The following CYTH3 variants were observed in gnomAD, a reference collection of about 807,000 sequenced individuals.
CYTH3 encodes cytohesin-3.
In CYTH3, 23 loss-of-function variants were observed where a neutral mutation model predicts 55.1. That is an observed-to-expected ratio of 0.42 (90% CI 0.30 to 0.59). CYTH3 has a LOEUF of 0.59. Among genes scored for constraint, CYTH3 ranks in the 20% least tolerant of loss-of-function variants. The pLI is 0.20. For missense variants in CYTH3, 413 were observed against 524.8 expected, an observed-to-expected ratio of 0.79 and a Z score of 2.08; for synonymous variants, 249 against 194.9, an observed-to-expected ratio of 1.28 and a Z score of -2.31.
At chr7:6,185,444 C>A (rs1012825699) in intron 4 of CYTH3, among the ~76,000 whole-genome samples, 1 of 152,136 alleles carries the variant, frequency 6.6e-6, no homozygotes, top group Non-Finnish European at 1.5e-5. Flanking sequence ...CGCCTGTAAT[C>A]CCAGCACTTT....
In CYTH3 at chr7:6,272,616, G is replaced by T. The variant is rs1023536296; in HGVS notation, c.-109C>A. The stretch of plus-strand genomic sequence containing the variant: ...AGGCGACCGGGCGGCTCCTCAGCGC[G>T]CGGCCCGGGTCGCGGCCGGGCCTCC... On this transcript the variant is annotated 5_prime_UTR_variant, in exon 1 of 13. Coordinates refer to ENST00000350796, the MANE Select transcript of CYTH3 (RefSeq NM_004227.4). 4.7e-6 allele frequency: 4 copies of T among 844,820 alleles called. No individual in the cohort carries two copies. Among genetic ancestry groups the T allele is most frequent in the East Asian group, 8.4e-5 (1 of 11,950 alleles). The allele number at this position is 844,820 out of a possible 1,614,324, so 52.3% of individuals were successfully genotyped here.
intron 1 of CYTH3, among the ~76,000 whole-genome samples, chr7:6,244,681 T>C (rs895320047): frequency 4.6e-5 from 7 of 152,180 alleles, no homozygotes; most frequent in African/African-American, 1.7e-4. Context: ...GGCTAAATTA[T>C]TGTTTTAAAA....
intron 4 of CYTH3, among the ~76,000 whole-genome samples, chr7:6,184,506 A>G (rs1253170673): frequency 6.6e-6 from 1 of 152,210 alleles, no homozygotes; most frequent in African/African-American, 2.4e-5. Context: ...CCTGACAGAG[A>G]GGGCTTCATA....
chr7:6,252,810 T>C (rs1195607436), intron 1 of CYTH3, among the ~76,000 whole-genome samples: 3 of 152,236 alleles, frequency 2.0e-5, no homozygotes, highest in Non-Finnish European at 4.4e-5. Context: ...TAGTTTGTCT[T>C]ACTAAATTTT....
chr7:6,210,389 C>G (rs959715881), intron 1 of CYTH3, among the ~76,000 whole-genome samples: 1 of 152,232 alleles, frequency 6.6e-6, no homozygotes, highest in Non-Finnish European at 1.5e-5. Flanking sequence ...AAACTCCCAA[C>G]AAGTCCTCTT....
chr7:6,170,967 C>T lies in CYTH3; in HGVS notation c.574G>A (p.Val192Met), dbSNP rs763037020. 1.2e-6 allele frequency: 2 copies of T among 1,613,888 alleles called. No individual in the cohort carries two copies. The highest frequency in any genetic ancestry group is 2.2e-5 in the East Asian group (1 of 44,868). The stretch of plus-strand genomic sequence containing the variant: ...AGCATGATGATGGCGAATGACAGCA[C>T]GTAGCACGTGTCTGCAACGAGTCCG... ...GVFQSTDTCYVLSFAIIMLNT... is the reference protein window; with the variant it reads ...GVFQSTDTCYMLSFAIIMLNT... The change falls in exon 8 of 13, where the codon GTG becomes ATG. Residue 192 changes from valine to methionine, a missense_variant. Transcript: ENST00000350796. This position sits in a 1 kb window ranked among gnomAD's most constrained non-coding sequence, Gnocchi z 7.8.
At chr7:6,186,609 C>A (rs1783657938) in intron 4 of CYTH3, among the ~76,000 whole-genome samples, 2 of 152,184 alleles carry the variant, frequency 1.3e-5, no homozygotes, top group South Asian at 4.1e-4. Context: ...CTTATGTGAA[C>A]CACTTAACCC....
rs1227737971 is a variant in CYTH3, at chr7:6,162,214, A to G, written c.*2730T>C. ...AAATGTTCTGTGACCCCAAAGACAC[A>G]AAGTTGCTGCTTATCTGGGTCCAGG... On this transcript the variant is annotated 3_prime_UTR_variant, in exon 13 of 13. Transcript: ENST00000350796. 2.6e-5 allele frequency: 4 copies of G among 152,450 alleles called. No individual in the cohort carries two copies. The highest frequency in any genetic ancestry group is 1.3e-4 in the Admixed American group (2 of 15,286). The allele number at this position is 152,450 out of a possible 1,614,324, so 9.4% of individuals were successfully genotyped here. A position where few individuals can be genotyped will look rare whatever the true frequency, so the allele number is the denominator to read the frequency against.
At chr7:6,272,409 C>CGGGGGGGGGGGGGGGGGGGGG in intron 1 of CYTH3, 65 bp downstream of exon 1, 4 of 1,212,386 alleles carry the variant, frequency 3.3e-6, no homozygotes, top group East Asian at 3.7e-5. Context: ...GCCGCGCCCT[C>CGGGGGGGGGGGGGGGGGGGGG]GACCCCCAGC....
Position 6,165,369 on chromosome 7 carries a change from G to T in CYTH3, c.1031C>A (p.Thr344Asn), listed in dbSNP as rs551111893. The change falls in exon 12 of 13, where the codon ACT becomes AAT. Residue 344 changes from threonine to asparagine, a missense_variant. By Grantham distance (65) the Thr-to-Asn change is moderately conservative (BLOSUM62 0). Around this residue, in one of 4 missense-constraint regions of CYTH3, gnomAD observed 98 missense variants for 115.2 expected, o/e 0.85. Transcript: ENST00000350796. ...CTCTACCACGCGGCCGTCGGCCTCA[G>T]TCTTACAGGCCTTGATGACCTGCCC... ...HKGQVIKACK[T>N]EADGRVVEGN... 1.2e-6 allele frequency: 2 copies of T among 1,614,070 alleles called. No homozygotes were observed. The highest frequency in any genetic ancestry group is 8.5e-7 in the Non-Finnish European group (1 of 1,179,944).
chr7:6,198,592 T>A (rs1783991619), intron 1 of CYTH3, among the ~76,000 whole-genome samples: 1 of 152,244 alleles, frequency 6.6e-6, no homozygotes, highest in African/African-American at 2.4e-5. Context: ...TGACATCATG[T>A]ATGTTTTGTT....
chr7:6,259,766 T>TAAA (rs1780251059), intron 1 of CYTH3, among the ~76,000 whole-genome samples: 1 of 24,750 alleles, frequency 4.0e-5, no homozygotes, highest in African/African-American at 3.8e-4. Context: ...ATTATATATA[T>TAAA]ATATATTATA....
chr7:6,175,086 CT>C (rs1783309223), intron 5 of CYTH3, among the ~76,000 whole-genome samples: 1 of 152,104 alleles, frequency 6.6e-6, no homozygotes, highest in Non-Finnish European at 1.5e-5. Flanking sequence ...GGACTTACAT[CT>C]AGATTATATA....
chr7:6,182,983 G>A (rs1248113750), intron 4 of CYTH3, among the ~76,000 whole-genome samples: 4 of 152,198 alleles, frequency 2.6e-5, no homozygotes, highest in Non-Finnish European at 5.9e-5. Context: ...TCTGGTTTTT[G>A]CTGCAGCTGC....
rs185789040 is a variant in CYTH3 at position 6,227,568 on chromosome 7, T to A, written c.35-37037A>T. On this transcript the variant is annotated intron_variant, in intron 1 of 12. Transcript: ENST00000350796. ...GGAAGCGTTCCCACTACAGACAGAA[T>A]CAAAACGAGGATGCCACTATCAGGG... is the stretch of plus-strand genomic sequence containing the variant. 1.4e-4 allele frequency among the ~76,000 whole-genome samples: 22 copies of A among 152,250 alleles called. No individual in the cohort carries two copies. In the East Asian group the frequency reaches 4.3e-3, roughly 29 times the overall value.
In CYTH3 at chr7:6,229,981, A is replaced by C. The variant is rs80005683; in HGVS notation, c.35-39450T>G. On this transcript the variant is annotated intron_variant, in intron 1 of 12. Coordinates refer to ENST00000350796, the MANE Select transcript of CYTH3 (RefSeq NM_004227.4). The stretch of plus-strand genomic sequence containing the variant: ...GAAAACCTGTCTCCACTAAAAATAC[A>C]AAGTCAGCCGGGTGTGGTGGTGCAC... 4.6e-4 allele frequency among the ~76,000 whole-genome samples: 70 copies of C among 152,138 alleles called. No individual in the cohort carries two copies. In the East Asian group the frequency reaches 0.013, roughly 28 times the overall value.
intron 12 of CYTH3, 38 bp downstream of exon 12, chr7:6,165,235 G>A (rs1782956673): frequency 2.5e-6 from 4 of 1,587,922 alleles, no homozygotes; most frequent in African/African-American, 2.7e-5. Flanking sequence ...ACCGGCACGA[G>A]AAGACGGGCC....
At chr7:6,261,030 T>A (rs1780339611) in intron 1 of CYTH3, among the ~76,000 whole-genome samples, 1 of 152,156 alleles carries the variant, frequency 6.6e-6, no homozygotes, top group Admixed American at 6.5e-5. Context: ...AAGAACAACT[T>A]AAAAAACTGA....
chr7:6,162,098 A>AAAAT lies in CYTH3; in HGVS notation c.*2842_*2845dup, dbSNP rs1168472668. The AAAAT allele has an allele frequency of 6.6e-6, 1 of 152,650 alleles. No homozygotes were observed. The highest frequency in any genetic ancestry group is 2.4e-5 in the African/African-American group (1 of 41,440). 9.5% of individuals were successfully genotyped at this position (152,650 alleles called of 1,614,324 possible). ...GTAGATATCTGCGTTTGTAACTTTA[A>AAAAT]AAATAGGCATTGCTTTCTATGAAGC... is the stretch of plus-strand genomic sequence containing the variant. On this transcript the variant is annotated 3_prime_UTR_variant, in exon 13 of 13. Transcript: ENST00000350796.
Sources: gnomAD v4.1 joint callset for allele counts (sites outside exome capture counted in the v4.1 genomes callset) on GRCh38, gnomAD v4.1.1 for gene constraint, gnomAD v4.1.1 regional missense constraint, Gnocchi (gnomAD v3.1) non-coding constraint, MANE v1.5 for transcripts, NCBI Gene and HGNC (gene_info 2026-07-23, HGNC 2026-07-21) for gene names.